Variants in ZDHHC23 observed in about 807,000 individuals in gnomAD.
ZDHHC23 encodes zDHHC palmitoyltransferase 23, also known as palmitoyltransferase ZDHHC23.
Under a neutral mutation model 40.2 loss-of-function variants are expected in ZDHHC23, and 41 were observed. The observed-to-expected ratio is 1.02, with a 90% CI of 0.79 to 1.32. The LOEUF (loss-of-function observed/expected upper bound fraction) is 1.32. Ranked by LOEUF, ZDHHC23 falls within the 40% of genes most tolerant of loss-of-function variation. The pLI is 0.00. For missense variants in ZDHHC23, 471 were observed against 541.5 expected, an observed-to-expected ratio of 0.87 and a Z score of 1.29; for synonymous variants, 204 against 210.2, an observed-to-expected ratio of 0.97 and a Z score of 0.26.
rs1559850878 is a variant in ZDHHC23 at position 113,958,676 on chromosome 3, GTC to G, written c.*49_*50del. ...CTGAGGGATGATGGCTCCTCCTTCC[GTC>G]TCCCTTCCATTTTACACTTCAGTGT... On this transcript the variant is annotated 3_prime_UTR_variant, in exon 5 of 5. Coordinates refer to ENST00000638807, the MANE Select transcript of ZDHHC23 (RefSeq NM_001320466.2). 6.3e-7 allele frequency: 1 copy of G among 1,593,402 alleles called. No individual in the cohort carries two copies. The highest frequency in any genetic ancestry group is 8.5e-7 in the Non-Finnish European group (1 of 1,177,468).
the ZDHHC23 span, among the ~76,000 whole-genome samples, chr3:113,979,223 C>T: frequency 1.3e-5 from 2 of 152,140 alleles, no homozygotes; most frequent in Non-Finnish European, 2.9e-5. Context: ...TCAATGCCAG[C>T]TCCCTGAAGA....
At chr3:113,970,590 T>A in the ZDHHC23 span, among the ~76,000 whole-genome samples, 1 of 152,196 alleles carries the variant, frequency 6.6e-6, no homozygotes, top group Admixed American at 6.5e-5. Flanking sequence ...TATTATACTT[T>A]AAGTTTTAGG....
At chr3:113,965,109 T>C (rs369522532), downstream of ZDHHC23, 3 of 1,269,478 alleles carry the variant, frequency 2.4e-6, no homozygotes, top group East Asian at 4.8e-5. Flanking sequence ...ATAACACACA[T>C]ACAGACTAGT....
chr3:113,971,687 T>C, the ZDHHC23 span, among the ~76,000 whole-genome samples: 6 of 152,238 alleles, frequency 3.9e-5, no homozygotes, highest in East Asian at 3.8e-4. Flanking sequence ...GCTGGCCTGA[T>C]AGAATAAGTA....
downstream of ZDHHC23, among the ~76,000 whole-genome samples, chr3:113,969,122 T>C (rs1042329103): frequency 9.9e-5 from 15 of 152,194 alleles, no homozygotes; most frequent in Non-Finnish European, 7.3e-5. Flanking sequence ...GAGAATGCAC[T>C]CATTTACAGA....
intron 3 of ZDHHC23, 79 bp from the exon 4 acceptor site, chr3:113,956,260 C>G: frequency 1.4e-6 from 2 of 1,457,636 alleles, no homozygotes; most frequent in Non-Finnish European, 9.3e-7. Context: ...AAAAATAAAG[C>G]TTTCATGTTT....
chr3:113,968,731 A>G (rs931835572), downstream of ZDHHC23, among the ~76,000 whole-genome samples: 1 of 151,296 alleles, frequency 6.6e-6, no homozygotes, highest in East Asian at 1.9e-4. Context: ...AAGTGTTGGG[A>G]TTATAGATGT....
the ZDHHC23 span, among the ~76,000 whole-genome samples, chr3:113,979,400 CTAATTGAGGAAATGCCAA>C: frequency 1.3e-5 from 2 of 152,182 alleles, no homozygotes; most frequent in African/African-American, 4.8e-5. Flanking sequence ...TAACCACTGT[CTAATTGAGGAAATGCCAA>C]TACTTTCAAT....
downstream of ZDHHC23, among the ~76,000 whole-genome samples, chr3:113,963,748 A>C (rs985946153): frequency 7.0e-6 from 1 of 142,608 alleles, no homozygotes; most frequent in Non-Finnish European, 1.5e-5. Context: ...GTCTCAAAAC[A>C]AAAAAAACAC....
At chr3:113,973,344 C>T in the ZDHHC23 span, among the ~76,000 whole-genome samples, 1 of 152,114 alleles carries the variant, frequency 6.6e-6, no homozygotes, top group Non-Finnish European at 1.5e-5. Flanking sequence ...TGATTGCACA[C>T]CACAATTACA....
rs544702011 is a variant in ZDHHC23, at chr3:113,948,734, T to A, written c.-69T>A. On this transcript the variant is annotated 5_prime_UTR_variant, in exon 2 of 5. An upstream start codon of the reference 5' UTR is lost. Coordinates refer to ENST00000638807, the MANE Select transcript of ZDHHC23 (RefSeq NM_001320466.2). ...GAGAGGCGTGGACCTATTTACGAGA[T>A]GTAAGTTGTGTTCTTTCCACCTTTA... is the stretch of plus-strand genomic sequence containing the variant. 1 of 1,580,178 alleles carries A rather than the reference T, an allele frequency of 6.3e-7. No individual in the cohort carries two copies. Among genetic ancestry groups the A allele is most frequent in the Admixed American group, 1.7e-5 (1 of 58,528 alleles).
chr3:113,951,784 G>A (rs2107453095), intron 2 of ZDHHC23, among the ~76,000 whole-genome samples: 2 of 152,252 alleles, frequency 1.3e-5, no homozygotes, highest in Middle Eastern at 3.4e-3. Context: ...ATATAGACAG[G>A]CTGAGAATTT....
At chr3:113,971,534 G>C in the ZDHHC23 span, among the ~76,000 whole-genome samples, 1 of 152,160 alleles carries the variant, frequency 6.6e-6, no homozygotes, top group African/African-American at 2.4e-5. Flanking sequence ...AATCCCACTT[G>C]ATCATGGTGA....
rs56297669 is a variant in ZDHHC23 at position 113,951,825 on chromosome 3, T to A, written c.162-1875T>A. ...ATCTTTGTTTTACTCCCCTTTTGAT[T>A]ATGAGTTTTGTCTTTAAATTATTTC... On this transcript the variant is annotated intron_variant, in intron 2 of 4. Transcript: ENST00000638807. Among the ~76,000 whole-genome samples the A allele has an allele frequency of 6.7e-3, 1,027 of 152,290 alleles. 11 individuals are homozygous for A. The highest frequency in any genetic ancestry group is 0.024 in the African/African-American group (997 of 41,550).
rs1938371757 is a variant in ZDHHC23, at chr3:113,948,739, G to T, written c.-64G>T. ...GCGTGGACCTATTTACGAGATGTAA[G>T]TTGTGTTCTTTCCACCTTTACCTTC... On this transcript the variant is annotated 5_prime_UTR_variant, in exon 2 of 5. Transcript: ENST00000638807. 4 of 1,595,804 alleles carry T rather than the reference G, an allele frequency of 2.5e-6. No homozygotes were observed. Among genetic ancestry groups the T allele is most frequent in the Non-Finnish European group, 3.4e-6 (4 of 1,166,286 alleles).
chr3:113,978,463 A>T, the ZDHHC23 span: 1 of 921,312 alleles, frequency 1.1e-6, no homozygotes, highest in Non-Finnish European at 1.6e-6. Context: ...AAAGAAAAGG[A>T]TAACCTGGAA....
In ZDHHC23 at chr3:113,962,740, C is replaced by T. The variant is rs1429540560; in HGVS notation, c.*4110C>T. 2.0e-5 allele frequency: 3 copies of T among 152,134 alleles called. No homozygotes were observed. The East Asian group carries it at 5.8e-4, about 29-fold the overall frequency. The allele number at this position is 152,134 out of a possible 1,614,324, so 9.4% of individuals were successfully genotyped here. ...ACCCAGGAATATTTACCTGGTGTTA[C>T]ATTTAATATTTAATGTAACTGGTCT... On this transcript the variant is annotated 3_prime_UTR_variant, in exon 5 of 5. Transcript: ENST00000638807.
At chr3:113,965,678 C>T (rs1334990961), downstream of ZDHHC23, among the ~76,000 whole-genome samples, 1 of 152,152 alleles carries the variant, frequency 6.6e-6, no homozygotes, top group Non-Finnish European at 1.5e-5. Context: ...CAACCTCTGC[C>T]TCCTGGGTTC....
chr3:113,973,353 C>T, the ZDHHC23 span, among the ~76,000 whole-genome samples: 1 of 152,120 alleles, frequency 6.6e-6, no homozygotes, highest in African/African-American at 2.4e-5. Flanking sequence ...ACCACAATTA[C>T]AGTATTAGAG....
Sources: allele counts gnomAD v4.1 joint callset (sites outside exome capture counted in the v4.1 genomes callset), GRCh38; gene constraint gnomAD v4.1.1; transcripts MANE v1.5; gene names NCBI Gene and HGNC (gene_info 2026-07-23, HGNC 2026-07-21).